The following CCSER1 variants were observed in gnomAD, a reference collection of about 807,000 sequenced individuals.
CCSER1 encodes the protein serine-rich coiled-coil domain-containing protein 1.
CCSER1 carries 41 observed loss-of-function variants against 82.0 expected under a neutral mutation model. The observed-to-expected ratio is 0.50, with a 90% CI of 0.39 to 0.65. The LOEUF (loss-of-function observed/expected upper bound fraction) is 0.65. Ranked by LOEUF, CCSER1 falls within the 30% of genes least tolerant of loss-of-function variation. The pLI is 0.00. For synonymous variants in CCSER1, 414 were observed against 383.9 expected (o/e 1.08, Z -0.92); for missense variants, 1,119 against 1,064.2 (o/e 1.05, Z -0.72).
chr4:90,507,616 TA>T (rs1770895810), intron 5 of CCSER1, among the ~76,000 whole-genome samples: 1 of 152,124 alleles, frequency 6.6e-6, no homozygotes. Flanking sequence ...ATTTAAGCTA[TA>T]CAGCAGTTAT....
At chr4:91,444,911 A>G (rs996659930) in intron 10 of CCSER1, among the ~76,000 whole-genome samples, 2 of 152,238 alleles carry the variant, frequency 1.3e-5, no homozygotes, top group African/African-American at 2.4e-5. Context: ...TCCTCACACT[A>G]TGGCTAAACA....
At chr4:91,265,457 T>TA (rs141405599) in intron 10 of CCSER1, among the ~76,000 whole-genome samples, 4,330 of 152,170 alleles carry the variant, frequency 0.028, 262 homozygotes, top group East Asian at 0.27. Context: ...AGGCCTATAT[T>TA]AAAAAAATAA....
intron 7 of CCSER1, among the ~76,000 whole-genome samples, chr4:90,777,464 A>G (rs1288664946): frequency 6.6e-6 from 1 of 151,946 alleles, no homozygotes; most frequent in African/African-American, 2.4e-5. Flanking sequence ...CTGATCATCA[A>G]TTATTAATCA....
chr4:91,363,721 T>C (rs1749420121), intron 10 of CCSER1, among the ~76,000 whole-genome samples: 1 of 151,846 alleles, frequency 6.6e-6, no homozygotes, highest in African/African-American at 2.4e-5. Context: ...TCAGTGATTT[T>C]ATTGAACACA....
chr4:90,219,748 C>T (rs1450728653), intron 1 of CCSER1, among the ~76,000 whole-genome samples: 1 of 152,074 alleles, frequency 6.6e-6, no homozygotes, highest in African/African-American at 2.4e-5. Context: ...TATGATTGTA[C>T]TGGTTTTGAT....
chr4:90,580,046 G>A (rs753054203), intron 5 of CCSER1, among the ~76,000 whole-genome samples: 81 of 152,024 alleles, frequency 5.3e-4, no homozygotes, highest in Non-Finnish European at 9.1e-4. Flanking sequence ...ACTAATTATT[G>A]TTTTTTAGCA....
intron 1 of CCSER1, among the ~76,000 whole-genome samples, chr4:90,128,827 T>TTC (rs147910382): frequency 2.4e-4 from 36 of 150,214 alleles, no homozygotes; most frequent in Admixed American, 6.0e-4. Context: ...ACTGCTCTCT[T>TTC]TCTCTCTCTC....
At chr4:90,484,006 A>C (rs530201681) in intron 5 of CCSER1, among the ~76,000 whole-genome samples, 1 of 152,346 alleles carries the variant, frequency 6.6e-6, no homozygotes, top group East Asian at 1.9e-4. Flanking sequence ...ACTTTCAGGT[A>C]CACCAATTAG....
intron 10 of CCSER1, among the ~76,000 whole-genome samples, chr4:91,259,447 C>CAT (rs148329738): frequency 0.015 from 2,290 of 150,160 alleles, 46 homozygotes; most frequent in African/African-American, 0.049. Context: ...CCTTGGTAGT[C>CAT]ATATATATAT....
chr4:91,414,714 G>A (rs772802529), intron 10 of CCSER1, among the ~76,000 whole-genome samples: 1 of 152,082 alleles, frequency 6.6e-6, no homozygotes, highest in Non-Finnish European at 1.5e-5. Context: ...AAAGCAAAAT[G>A]ACTGAAAAAC....
intron 6 of CCSER1, among the ~76,000 whole-genome samples, chr4:90,715,876 A>C (rs898554148): frequency 2.0e-5 from 3 of 152,088 alleles, no homozygotes; most frequent in East Asian, 3.9e-4. Flanking sequence ...GTAAATTTGC[A>C]GAAAATATAA....
chr4:90,171,489 G>A (rs1731664503), intron 1 of CCSER1, among the ~76,000 whole-genome samples: 1 of 151,830 alleles, frequency 6.6e-6, no homozygotes, highest in Non-Finnish European at 1.5e-5. Flanking sequence ...ATCACACCCT[G>A]ATTAATTTGG....
chr4:90,804,043 A>T (rs905495358), intron 7 of CCSER1, among the ~76,000 whole-genome samples: 6 of 151,884 alleles, frequency 4.0e-5, no homozygotes, highest in Non-Finnish European at 8.8e-5. Context: ...TCCTTTGCCC[A>T]CTTTTTGATG....
chr4:91,488,033 T>A (rs1560710457), intron 10 of CCSER1, among the ~76,000 whole-genome samples: 2 of 152,098 alleles, frequency 1.3e-5, no homozygotes, highest in Non-Finnish European at 2.9e-5. Flanking sequence ...AAGAAATATT[T>A]TATAGAAAGC....
At chr4:90,176,303 A>C (rs147009992) in intron 1 of CCSER1, among the ~76,000 whole-genome samples, 3 of 152,164 alleles carry the variant, frequency 2.0e-5, no homozygotes, top group Non-Finnish European at 4.4e-5. Context: ...TAGTCATCAT[A>C]GTATCAGACA....
chr4:91,388,253 T>TCC (rs959202262), intron 10 of CCSER1, among the ~76,000 whole-genome samples: 66 of 152,124 alleles, frequency 4.3e-4, no homozygotes, highest in African/African-American at 1.6e-3. Flanking sequence ...TGATCAGAGA[T>TCC]CCCCTTTGTT....
intron 4 of CCSER1, among the ~76,000 whole-genome samples, chr4:90,437,743 C>T (rs1759242798): frequency 6.6e-6 from 1 of 152,060 alleles, no homozygotes; most frequent in African/African-American, 2.4e-5. Flanking sequence ...TTCCAATGTA[C>T]TAATATGATT....
chr4:90,644,837 T>G (rs565064667), intron 6 of CCSER1, among the ~76,000 whole-genome samples: 1 of 151,820 alleles, frequency 6.6e-6, no homozygotes, highest in African/African-American at 2.4e-5. Context: ...ATCCCAGCAC[T>G]TTGGGAGGCC....
At chr4:91,141,837 C>T (rs1729062284) in intron 10 of CCSER1, among the ~76,000 whole-genome samples, 1 of 152,112 alleles carries the variant, frequency 6.6e-6, no homozygotes, top group South Asian at 2.1e-4. Flanking sequence ...GATGGTATTT[C>T]ATTGTTGTTT....
Sources: gnomAD v4.1 joint callset for allele counts (sites outside exome capture counted in the v4.1 genomes callset) on GRCh38, gnomAD v4.1.1 for gene constraint, MANE v1.5 for transcripts, NCBI Gene and HGNC (gene_info 2026-07-23, HGNC 2026-07-21) for gene names.